CYSLTR2: variants seen among roughly 807,000 people sequenced by gnomAD.
CYSLTR2 encodes the protein G-protein coupled receptor GPCR21.
For missense variants in CYSLTR2, 398 were observed against 411.9 expected (o/e 0.97, Z 0.29); for synonymous variants, 179 against 160.8 (o/e 1.11, Z -0.86).
chr13:48,680,024 C>G (rs903893034), intron 1 of CYSLTR2, among the ~76,000 whole-genome samples: 1 of 152,194 alleles, frequency 6.6e-6, no homozygotes, highest in Non-Finnish European at 1.5e-5. Context: ...TACACAGAAG[C>G]CTACCATTAT....
intron 1 of CYSLTR2, among the ~76,000 whole-genome samples, chr13:48,665,583 A>G (rs924407937): frequency 1.3e-5 from 2 of 151,936 alleles, no homozygotes; most frequent in African/African-American, 2.4e-5. Flanking sequence ...CTCTTTTTAC[A>G]GCTTAACCCA....
chr13:48,666,284 T>A lies in CYSLTR2; in HGVS notation c.-266+12267T>A, dbSNP rs150430475. ...AATCCACCCTTAGGCCAATGAAGAT[T>A]CCCTTATATGTGGCTTGATGCTCTT... is the stretch of plus-strand genomic sequence containing the variant. On this transcript the variant is annotated intron_variant, in intron 1 of 4. Coordinates refer to ENST00000682523, the MANE Select transcript of CYSLTR2 (RefSeq NM_001308476.3). Among the ~76,000 whole-genome samples the A allele has an allele frequency of 4.0e-4, 61 of 152,296 alleles. No homozygotes were observed. In the Middle Eastern group the frequency reaches 0.014, roughly 34 times the overall value.
intron 1 of CYSLTR2, among the ~76,000 whole-genome samples, chr13:48,667,696 A>G (rs1002806851): frequency 6.6e-6 from 1 of 152,178 alleles, no homozygotes; most frequent in Non-Finnish European, 1.5e-5. Context: ...TTGGCCTGGG[A>G]GCATGTTTCC....
In CYSLTR2 at chr13:48,706,941, C is replaced by T. The variant is rs778797978; in HGVS notation, c.124C>T (p.Pro42Ser). Residue 42 changes from proline to serine, a missense_variant, in exon 5 of 5, where the codon CCA (proline) becomes TCA (serine). Physicochemically the swap from Pro to Ser is moderately conservative, Grantham distance 74. Transcript: ENST00000682523. Reference protein sequence around the residue: ...TIENFKREFFPIVYLIIFFWG... With the variant: ...TIENFKREFFSIVYLIIFFWG... ...TGAAAACTTCAAGAGAGAATTTTTC[C>T]CAATTGTATATCTGATAATATTTTT... 2.5e-6 allele frequency: 4 copies of T among 1,614,062 alleles called. No individual in the cohort carries two copies. The highest frequency in any genetic ancestry group is 3.4e-6 in the Non-Finnish European group (4 of 1,180,006).
Position 48,709,119 on chromosome 13 carries a change from A to C in CYSLTR2, c.*1261A>C, listed in dbSNP as rs150894029. 1 of 167,220 alleles carries C rather than the reference A, an allele frequency of 6.0e-6. No individual in the cohort carries two copies. Among genetic ancestry groups the C allele is most frequent in the African/African-American group, 2.4e-5 (1 of 41,588 alleles). 10.4% of individuals were successfully genotyped at this position (167,220 alleles called of 1,614,324 possible). ...AGTTTACACAGCTAGTAAGAGTTTT[A>C]AAAATCTCTGTGCAGAAGTGTTGGC... On this transcript the variant is annotated 3_prime_UTR_variant, in exon 5 of 5. Transcript: ENST00000682523.
chr13:48,671,864 C>T (rs1953439956), intron 1 of CYSLTR2, among the ~76,000 whole-genome samples: 2 of 150,812 alleles, frequency 1.3e-5, no homozygotes, highest in African/African-American at 4.9e-5. Context: ...ACCAGCTCCT[C>T]TTTGTACCTC....
chr13:48,681,261 T>C (rs1454289652), intron 1 of CYSLTR2, among the ~76,000 whole-genome samples: 1 of 152,180 alleles, frequency 6.6e-6, no homozygotes, highest in East Asian at 1.9e-4. Context: ...GATCTTGATC[T>C]TGTGCCTCAA....
intron 1 of CYSLTR2, among the ~76,000 whole-genome samples, chr13:48,665,878 G>A (rs1232091388): frequency 3.3e-5 from 5 of 151,940 alleles, no homozygotes; most frequent in Non-Finnish European, 7.4e-5. Flanking sequence ...TGCTTGTTTT[G>A]TGTATCTTTT....
chr13:48,690,005 CT>C (rs1449188918), intron 1 of CYSLTR2, among the ~76,000 whole-genome samples: 2 of 151,974 alleles, frequency 1.3e-5, no homozygotes, highest in African/African-American at 4.8e-5. Flanking sequence ...GTATTTTATT[CT>C]CTTTGTAGCA....
intron 1 of CYSLTR2, among the ~76,000 whole-genome samples, chr13:48,679,360 C>A (rs771879966): frequency 1.3e-5 from 2 of 152,112 alleles, no homozygotes; most frequent in Non-Finnish European, 2.9e-5. Flanking sequence ...ACTTGCTTGA[C>A]CCATTCATCA....
At chr13:48,678,733 T>C (rs965510536) in intron 1 of CYSLTR2, among the ~76,000 whole-genome samples, 3 of 152,186 alleles carry the variant, frequency 2.0e-5, no homozygotes, top group Admixed American at 6.5e-5. Context: ...CTTTTATTAA[T>C]GAAAGGCACC....
chr13:48,656,033 G>A (rs1952989165), intron 1 of CYSLTR2, among the ~76,000 whole-genome samples: 2 of 152,034 alleles, frequency 1.3e-5, no homozygotes, highest in South Asian at 4.1e-4. Context: ...TTATAAGTGT[G>A]CTCATTTTTG....
At chr13:48,673,998 G>A (rs1953525117) in intron 1 of CYSLTR2, among the ~76,000 whole-genome samples, 2 of 152,338 alleles carry the variant, frequency 1.3e-5, no homozygotes, top group Admixed American at 1.3e-4. Context: ...TCTGCGGTTA[G>A]TCTGATGGGC....
intron 1 of CYSLTR2, among the ~76,000 whole-genome samples, chr13:48,670,622 G>A (rs933686670): frequency 6.6e-6 from 1 of 152,118 alleles, no homozygotes; most frequent in Non-Finnish European, 1.5e-5. Flanking sequence ...CCTATGTTCT[G>A]TTCCATTGGT....
intron 2 of CYSLTR2, among the ~76,000 whole-genome samples, chr13:48,693,098 T>A (rs1954078141): frequency 6.6e-6 from 1 of 151,618 alleles, no homozygotes; most frequent in Admixed American, 6.6e-5. Flanking sequence ...TTCACTTTAG[T>A]TTAATACAAT....
chr13:48,710,724 C>G lies in CYSLTR2; in HGVS notation c.*2866C>G, dbSNP rs1405150316. 2 of 152,164 alleles carry G rather than the reference C, an allele frequency of 1.3e-5. No homozygotes were observed. The highest frequency in any genetic ancestry group is 2.9e-5 in the Non-Finnish European group (2 of 68,042). 9.4% of individuals were successfully genotyped at this position (152,164 alleles called of 1,614,324 possible). ...TACACCCCACGGTGTGTGATAAACA[C>G]TTAGTTAAGATGAAAAGGTATTAAA... is the stretch of plus-strand genomic sequence containing the variant. On this transcript the variant is annotated 3_prime_UTR_variant, in exon 5 of 5. Coordinates refer to ENST00000682523, the MANE Select transcript of CYSLTR2 (RefSeq NM_001308476.3).
intron 1 of CYSLTR2, among the ~76,000 whole-genome samples, chr13:48,673,832 C>T (rs1566087681): frequency 1.3e-5 from 2 of 152,146 alleles, no homozygotes; most frequent in Non-Finnish European, 2.9e-5. Context: ...GACAAAATCC[C>T]TCACCATTTG....
chr13:48,656,470 G>A (rs1250117783), intron 1 of CYSLTR2, among the ~76,000 whole-genome samples: 1 of 152,038 alleles, frequency 6.6e-6, no homozygotes, highest in African/African-American at 2.4e-5. Flanking sequence ...AAGCTCAGAC[G>A]GCTGCAGTAA....
intron 4 of CYSLTR2, 70 bp from the exon 5 acceptor site, chr13:48,706,747 A>G: frequency 8.1e-7 from 1 of 1,229,978 alleles, no homozygotes; most frequent in Non-Finnish European, 1.2e-6. Context: ...AGAGAGATGT[A>G]ATCAGTAAGC....
Sources: allele counts gnomAD v4.1 joint callset (sites outside exome capture counted in the v4.1 genomes callset), GRCh38; gene constraint gnomAD v4.1.1; transcripts MANE v1.5; gene names NCBI Gene and HGNC (gene_info 2026-07-23, HGNC 2026-07-21).